Variants in GPHN observed in about 807,000 individuals in gnomAD.
GPHN encodes gephyrin.
A neutral mutation model predicts 95.5 loss-of-function variants in GPHN; 17 were observed. The observed-to-expected ratio is 0.18, with a 90% confidence interval of 0.12 to 0.27. GPHN has a LOEUF of 0.27. Ranked by LOEUF, GPHN falls within the 10% of genes least tolerant of loss-of-function variation. The probability of loss-of-function intolerance (pLI) is 1.00; values close to 1 mark genes in which losing one functional copy is unlikely to be tolerated. For synonymous variants in GPHN, 320 were observed against 322.5 expected (o/e 0.99, Z 0.08); for missense variants, 660 against 978.1 (o/e 0.67, Z 4.34).
chr14:67,130,167 G>A (rs577874869), intron 17 of GPHN, among the ~76,000 whole-genome samples: 176 of 152,104 alleles, frequency 1.2e-3, no homozygotes, highest in African/African-American at 4.0e-3. Context: ...TTGTTACATG[G>A]GTATTTTGGG....
chr14:67,457,232 C>T, the GPHN span, among the ~76,000 whole-genome samples: 1 of 152,138 alleles, frequency 6.6e-6, no homozygotes, highest in Non-Finnish European at 1.5e-5. Context: ...CTCAGACACT[C>T]AATTTACCTA....
the GPHN span, among the ~76,000 whole-genome samples, chr14:67,227,897 C>T: frequency 9.9e-5 from 15 of 152,158 alleles, no homozygotes; most frequent in African/African-American, 3.6e-4. Flanking sequence ...TGGCCGGGTG[C>T]GGTGGCTCAC....
At chr14:67,067,017 T>G (rs1736876726) in intron 11 of GPHN, among the ~76,000 whole-genome samples, 1 of 152,144 alleles carries the variant, frequency 6.6e-6, no homozygotes, top group African/African-American at 2.4e-5. Flanking sequence ...GGCGCTCTGG[T>G]TTTTAGAATT....
chr14:66,994,225 G>A (rs1450136296), intron 9 of GPHN, among the ~76,000 whole-genome samples: 1 of 152,022 alleles, frequency 6.6e-6, no homozygotes, highest in East Asian at 1.9e-4. Context: ...AATTAGCCGG[G>A]CATGATGGTG....
At chr14:66,523,622 G>A (rs912134440) in intron 1 of GPHN, among the ~76,000 whole-genome samples, 4 of 152,052 alleles carry the variant, frequency 2.6e-5, no homozygotes, top group Non-Finnish European at 5.9e-5. Context: ...ACTTCTCTAA[G>A]CTTTAGTTTT....
At position 66,626,656 on chromosome 14, in the gene GPHN, G is replaced by A. The variant is rs112372156; in HGVS notation, c.65-54451G>A. Among the ~76,000 whole-genome samples, 552 of 152,132 alleles carry A rather than the reference G, an allele frequency of 3.6e-3. 11 individuals are homozygous for A. The highest frequency in any genetic ancestry group is 0.013 in the African/African-American group (526 of 41,556). ...CTAATGTCTTTTTGGCTTAACACTG[G>A]ACCTCACAGTTAGGTAATGAGGATG... On this transcript the variant is annotated intron_variant, in intron 1 of 22. Coordinates refer to ENST00000478722, the MANE Select transcript of GPHN (RefSeq NM_020806.5).
intron 1 of GPHN, among the ~76,000 whole-genome samples, chr14:66,539,575 T>C (rs2059278683): frequency 6.8e-6 from 1 of 147,690 alleles, no homozygotes; most frequent in Non-Finnish European, 1.5e-5. Context: ...CCACTATGGC[T>C]GGCTAATTTT....
chr14:67,638,780 G>A, the GPHN span, among the ~76,000 whole-genome samples: 1 of 152,224 alleles, frequency 6.6e-6, no homozygotes, highest in Non-Finnish European at 1.5e-5. Context: ...GTTGCTGAGT[G>A]CATAGCTCAT....
intron 10 of GPHN, among the ~76,000 whole-genome samples, chr14:67,029,430 C>T (rs1056380887): frequency 2.6e-5 from 4 of 151,918 alleles, no homozygotes; most frequent in East Asian, 1.9e-4. Context: ...CTCTACTTCC[C>T]GGATTCAAGT....
intron 1 of GPHN, among the ~76,000 whole-genome samples, chr14:66,547,584 A>G (rs781705858): frequency 6.6e-6 from 1 of 152,202 alleles, no homozygotes; most frequent in Non-Finnish European, 1.5e-5. Context: ...TTGTTGTTTT[A>G]TTCTTATAAA....
At chr14:66,543,850 C>T (rs145698307) in intron 1 of GPHN, among the ~76,000 whole-genome samples, 1,654 of 152,282 alleles carry the variant, frequency 0.011, 17 homozygotes, top group Middle Eastern at 0.017. Flanking sequence ...ACTATAGTAA[C>T]CTCCTATCTT....
the GPHN span, among the ~76,000 whole-genome samples, chr14:67,491,893 G>A: frequency 4.6e-5 from 7 of 152,206 alleles, no homozygotes; most frequent in East Asian, 9.6e-4. Context: ...GGCCCAGGCC[G>A]CGGGGGCCTG....
chr14:66,955,758 A>G (rs991262029), intron 8 of GPHN, among the ~76,000 whole-genome samples: 2 of 151,776 alleles, frequency 1.3e-5, no homozygotes, highest in African/African-American at 4.8e-5. Context: ...CCTGTGTCCA[A>G]GTGTTCTCAT....
the GPHN span, among the ~76,000 whole-genome samples, chr14:67,372,587 T>C: frequency 6.6e-6 from 1 of 152,180 alleles, no homozygotes; most frequent in Non-Finnish European, 1.5e-5. Flanking sequence ...TCCCAGCACT[T>C]TGGGAGGCCA....
At chr14:66,932,811 A>G (rs1335217684) in intron 8 of GPHN, among the ~76,000 whole-genome samples, 1 of 152,016 alleles carries the variant, frequency 6.6e-6, no homozygotes, top group Non-Finnish European at 1.5e-5. Context: ...AAGTCTAGAC[A>G]TGCCCTCCAG....
the GPHN span, chr14:67,392,232 A>G: frequency 6.9e-6 from 6 of 863,488 alleles, no homozygotes; most frequent in African/African-American, 8.3e-5. Context: ...GGTGCCCTCC[A>G]GCAGCCTCAG....
At chr14:67,698,614 G>A in the GPHN span, among the ~76,000 whole-genome samples, 1 of 152,200 alleles carries the variant, frequency 6.6e-6, no homozygotes, top group South Asian at 2.1e-4. Context: ...AATTTGAACA[G>A]GGAAAGTTTA....
chr14:67,278,215 T>C, the GPHN span, among the ~76,000 whole-genome samples: 4 of 152,046 alleles, frequency 2.6e-5, no homozygotes, highest in African/African-American at 9.7e-5. Context: ...TTTTGTATTT[T>C]TCTTAGTAGA....
At chr14:66,538,241 T>C (rs2059212066) in intron 1 of GPHN, among the ~76,000 whole-genome samples, 1 of 152,182 alleles carries the variant, frequency 6.6e-6, no homozygotes, top group Non-Finnish European at 1.5e-5. Context: ...ATTTTTATTT[T>C]TGTCTTTAGT....
Sources: gnomAD v4.1 joint callset for allele counts (sites outside exome capture counted in the v4.1 genomes callset) on GRCh38, gnomAD v4.1.1 for gene constraint, MANE v1.5 for transcripts, NCBI Gene and HGNC (gene_info 2026-07-23, HGNC 2026-07-21) for gene names.